SHPK: variants seen among roughly 807,000 people sequenced by gnomAD.
SHPK encodes sedoheptulokinase.
A neutral mutation model predicts 46.3 loss-of-function variants in SHPK; 51 were observed. The ratio of observed to expected loss-of-function variants is 1.10; its 90% CI spans 0.88 to 1.39. The LOEUF is 1.39. Among genes scored for constraint, SHPK ranks in the 40% most tolerant of loss-of-function variants. SHPK has a pLI of 0.00. For synonymous variants in SHPK, 290 were observed against 273.9 expected, an observed-to-expected ratio of 1.06 and a Z score of -0.58; for missense variants, 668 against 641.3, an observed-to-expected ratio of 1.04 and a Z score of -0.45.
chr17:3,615,407 G>A lies in SHPK; in HGVS notation c.954C>T (p.Ala318=), dbSNP rs760530788. The A allele has an allele frequency of 1.5e-5, 24 of 1,614,016 alleles. No individual in the cohort carries two copies. Among genetic ancestry groups the A allele is most frequent in the African/African-American group, 5.3e-5 (4 of 74,916 alleles). ...PYFNRTYLGV[A]ASLNGGNVLA... is the part of the protein sequence containing the mutation. ...GCACATTGCCCCCGTTGAGTGACGC[G>A]GCCACCCCCAGGTAGGTCCTGTTGA... Residue 318 remains alanine (A), a synonymous_variant, in exon 6 of 7, where the codon GCC becomes GCT. Coordinates refer to ENST00000225519, the MANE Select transcript of SHPK (RefSeq NM_013276.4).
rs1405105920 is a variant in SHPK at position 3,624,247 on chromosome 17, T to C, written c.311-16A>G. The C allele has an allele frequency of 3.8e-6, 6 of 1,588,608 alleles. No individual in the cohort carries two copies. Among genetic ancestry groups the C allele is most frequent in the African/African-American group, 1.4e-5 (1 of 73,996 alleles). The stretch of plus-strand genomic sequence containing the variant: ...CATTCACAGCCTGGAACAAAAGAGA[T>C]GACCAAAAATGAAGAAAAGAGCAAA... On this transcript the variant is annotated splice_polypyrimidine_tract_variant and intron_variant, in intron 2 of 6. Coordinates refer to ENST00000225519, the MANE Select transcript of SHPK (RefSeq NM_013276.4).
At chr17:3,623,249 C>T in intron 4 of SHPK, 90 bp downstream of exon 4, 7 of 1,469,354 alleles carry the variant, frequency 4.8e-6, no homozygotes, top group Non-Finnish European at 6.6e-6. Context: ...CCACCACTCC[C>T]AGATGGGAAA....
chr17:3,628,026 G>A (rs910758302), intron 2 of SHPK, among the ~76,000 whole-genome samples: 9 of 151,770 alleles, frequency 5.9e-5, no homozygotes, highest in Admixed American at 3.9e-4. Flanking sequence ...CAGCTCCTAC[G>A]ATTGCCCAGC....
intron 2 of SHPK, among the ~76,000 whole-genome samples, chr17:3,628,671 C>T (rs1407337921): frequency 3.3e-5 from 5 of 151,928 alleles, no homozygotes; most frequent in Non-Finnish European, 7.4e-5. Flanking sequence ...CTTTCTGAGA[C>T]GGGGTCTTGC....
chr17:3,613,925 T>C (rs902568676), intron 6 of SHPK, among the ~76,000 whole-genome samples: 1 of 152,120 alleles, frequency 6.6e-6, no homozygotes, highest in Non-Finnish European at 1.5e-5. Context: ...ACTTGGGCCA[T>C]GACCCAAGCT....
chr17:3,623,302 G>T, intron 4 of SHPK, 37 bp downstream of exon 4: 1 of 1,611,328 alleles, frequency 6.2e-7, no homozygotes, highest in South Asian at 1.1e-5. Flanking sequence ...CTTCAGATTG[G>T]AGCAGGAGGA....
chr17:3,610,651 G>C lies in SHPK; in HGVS notation c.1346C>G (p.Pro449Arg). 1 of 1,614,054 alleles carries C rather than the reference G, an allele frequency of 6.2e-7. No homozygotes were observed. Among genetic ancestry groups the C allele is most frequent in the Non-Finnish European group, 8.5e-7 (1 of 1,180,028 alleles). The change falls in exon 7 of 7, where the codon CCT becomes CGT. Residue 449 changes from proline to arginine, a missense_variant. Coordinates refer to ENST00000225519, the MANE Select transcript of SHPK (RefSeq NM_013276.4). ...ATCCTGCCCAAAGGACATGGGCAAA[G>C]GGAAAGCCCTCTGCACCTCCTGCTT... is the stretch of plus-strand genomic sequence containing the variant. ...VLKQEVQRAFPLPMSFGQDVD... is the reference protein window; with the variant it reads ...VLKQEVQRAFRLPMSFGQDVD...
In SHPK at chr17:3,610,825, G is replaced by A. The variant is rs1318883855; in HGVS notation, c.1172C>T (p.Ser391Phe). The change falls in exon 7 of 7, where the codon TCC becomes TTC. Residue 391 changes from serine (S) to phenylalanine (F), a missense_variant. Ser to Phe is a radical substitution (Grantham distance 155). Transcript: ENST00000225519. Reference sequence around the variant, plus strand: ...GGTCACGTGCCCCAGGGAGAGGTCGGAGGAGGAGATTCTGGTCACTGAGGC... The same window carrying A: ...GGTCACGTGCCCCAGGGAGAGGTCGAAGGAGGAGATTCTGGTCACTGAGGC... ...QLASVTRISSSDLSLGHVTRA... is the reference protein window; with the variant it reads ...QLASVTRISSFDLSLGHVTRA... 1.2e-6 allele frequency: 2 copies of A among 1,614,164 alleles called. No individual in the cohort carries two copies. The highest frequency in any genetic ancestry group is 1.1e-5 in the South Asian group (1 of 91,084).
At chr17:3,626,437 C>T (rs762349454) in intron 2 of SHPK, among the ~76,000 whole-genome samples, 1 of 151,990 alleles carries the variant, frequency 6.6e-6, no homozygotes, top group Non-Finnish European at 1.5e-5. Context: ...CTTAGCTCAT[C>T]GGGCGCAGTG....
chr17:3,627,731 C>T (rs2075446272), intron 2 of SHPK, among the ~76,000 whole-genome samples: 1 of 151,020 alleles, frequency 6.6e-6, no homozygotes, highest in Non-Finnish European at 1.5e-5. Flanking sequence ...TTAGAGAGCC[C>T]AGGAGACAGG....
At position 3,623,020 on chromosome 17, in the gene SHPK, T is replaced by C. The variant is rs2075412021; in HGVS notation, c.647+319A>G. 2.0e-5 allele frequency among the ~76,000 whole-genome samples: 3 copies of C among 152,184 alleles called. No individual in the cohort carries two copies. In the South Asian group the frequency reaches 6.2e-4, roughly 32 times the overall value. On this transcript the variant is annotated intron_variant, in intron 4 of 6. Transcript: ENST00000225519. ...GCGCCTGGCTCTCTAAGTTTAAGTATTAAAGAGTGAAAGCTGTACTCTGAA... is the reference window on the plus strand; with the variant it reads ...GCGCCTGGCTCTCTAAGTTTAAGTACTAAAGAGTGAAAGCTGTACTCTGAA...
At chr17:3,621,569 C>T (rs1375193218) in intron 4 of SHPK, among the ~76,000 whole-genome samples, 157 bp from the exon 5 acceptor site, 2 of 146,368 alleles carry the variant, frequency 1.4e-5, no homozygotes, top group Admixed American at 6.9e-5. Context: ...TTCCCTCTTT[C>T]CCTCCCTTCC....
Position 3,609,636 on chromosome 17 carries a change from CTT to C in SHPK, c.*922_*923del, listed in dbSNP as rs1474897964. 6.6e-6 allele frequency: 1 copy of C among 152,322 alleles called. No homozygotes were observed. Among genetic ancestry groups the C allele is most frequent in the East Asian group, 1.9e-4 (1 of 5,200 alleles). The allele number at this position is 152,322 out of a possible 1,614,324, so 9.4% of individuals were successfully genotyped here. A position where few individuals can be genotyped will look rare whatever the true frequency, so the allele number is the denominator to read the frequency against. On this transcript the variant is annotated 3_prime_UTR_variant, in exon 7 of 7. Transcript: ENST00000225519. ...CTGGGCCTATGGGATACAGAGTTCT[CTT>C]TGAATAAACTACCTGCCCCATCTGG...
chr17:3,611,801 T>G (rs548447538), intron 6 of SHPK, among the ~76,000 whole-genome samples: 22 of 42,456 alleles, frequency 5.2e-4, no homozygotes, highest in Middle Eastern at 0.01. Context: ...TCTGCGGGTT[T>G]TTTTTTTTTT....
At chr17:3,631,898 CT>C (rs1164048853) in intron 1 of SHPK, among the ~76,000 whole-genome samples, 1 of 152,024 alleles carries the variant, frequency 6.6e-6, no homozygotes, top group Non-Finnish European at 1.5e-5. Context: ...ATTAATTTCA[CT>C]TGTTTATTTT....
In SHPK at chr17:3,617,453, G is replaced by C. The variant is rs76336689; in HGVS notation, c.824-1916C>G. On this transcript the variant is annotated intron_variant, in intron 5 of 6. Coordinates refer to ENST00000225519, the MANE Select transcript of SHPK (RefSeq NM_013276.4). Reference sequence around the variant, plus strand: ...AACAGGTGCTGAAGGGAAGCTTCAGGTGTCCAACTGGGTCAGACAGAAACT... The same window carrying C: ...AACAGGTGCTGAAGGGAAGCTTCAGCTGTCCAACTGGGTCAGACAGAAACT... Among the ~76,000 whole-genome samples the C allele has an allele frequency of 3.9e-3, 599 of 152,270 alleles. 2 individuals carry two copies. The highest frequency in any genetic ancestry group is 0.013 in the African/African-American group (559 of 41,560).
chr17:3,629,860 C>T (rs906333915), intron 2 of SHPK, among the ~76,000 whole-genome samples: 3 of 152,008 alleles, frequency 2.0e-5, no homozygotes, highest in Non-Finnish European at 2.9e-5. Flanking sequence ...GCCAGTCTCT[C>T]GGTTGTCTGC....
chr17:3,617,739 C>T (rs548424694), intron 5 of SHPK, among the ~76,000 whole-genome samples: 12 of 152,222 alleles, frequency 7.9e-5, no homozygotes, highest in African/African-American at 2.9e-4. Context: ...TTTCTGACCT[C>T]TCTTTCTTTG....
intron 2 of SHPK, among the ~76,000 whole-genome samples, chr17:3,626,418 T>C (rs1276674744): frequency 1.3e-5 from 2 of 152,098 alleles, no homozygotes; most frequent in Non-Finnish European, 2.9e-5. Context: ...GTTTGTATCC[T>C]CAATACCTCT....
Sources: allele counts gnomAD v4.1 joint callset (sites outside exome capture counted in the v4.1 genomes callset), GRCh38; gene constraint gnomAD v4.1.1; transcripts MANE v1.5; gene names NCBI Gene and HGNC (gene_info 2026-07-23, HGNC 2026-07-21).